Variants in ZNF705G observed in about 807,000 individuals in gnomAD.
ZNF705G encodes zinc finger protein 705G.
ZNF705G carries 23 observed loss-of-function variants against 19.6 expected under a neutral mutation model. That is an observed-to-expected ratio of 1.17 (90% CI 0.84 to 1.66). The LOEUF is 1.66. ZNF705G is among the 40% of genes most tolerant of loss of function. The pLI, the probability that ZNF705G is intolerant of heterozygous loss-of-function variation, is 0.00. For missense variants in ZNF705G, 457 were observed against 354.4 expected, an observed-to-expected ratio of 1.29 and a Z score of -2.32; for synonymous variants, 146 against 117.7, an observed-to-expected ratio of 1.24 and a Z score of -1.56.
chr8:7,361,267 A>T (rs1259890714), intron 3 of ZNF705G, 31 bp from the exon 4 acceptor site: 1 of 1,592,490 alleles, frequency 6.3e-7, no homozygotes, highest in Non-Finnish European at 8.5e-7. Context: ...TAGTTTAGAC[A>T]GAGAAATTCC....
intron 2 of ZNF705G, among the ~76,000 whole-genome samples, chr8:7,369,164 G>A (rs1373270631): frequency 6.7e-6 from 1 of 149,536 alleles, no homozygotes; most frequent in Non-Finnish European, 1.5e-5. Context: ...CCATGATTCA[G>A]TTATCGCCAC....
At chr8:7,359,089 G>A (rs749513958) in intron 6 of ZNF705G, among the ~76,000 whole-genome samples, 3 of 149,522 alleles carry the variant, frequency 2.0e-5, no homozygotes, top group Admixed American at 2.0e-4. Context: ...ATGCATGAAT[G>A]ACTATTTTTT....
At position 7,380,395 on chromosome 8, in the gene ZNF705G, G is replaced by A. The variant is rs1429608689; in HGVS notation, c.-72+1057C>T. 2.7e-5 allele frequency among the ~76,000 whole-genome samples: 4 copies of A among 147,524 alleles called. 1 individual carries two copies. The highest frequency in any genetic ancestry group is 1.1e-4 in the African/African-American group (4 of 36,972). The stretch of plus-strand genomic sequence containing the variant: ...ATGCCTTCTTGTGAACTGAGTATGA[G>A]CCCACCCAGCCTGGTGGTGCCTGTG... On this transcript the variant is annotated intron_variant, in intron 2 of 6. Transcript: ENST00000400156.
At chr8:7,365,769 A>G (rs1204265737) in intron 2 of ZNF705G, among the ~76,000 whole-genome samples, 1 of 149,556 alleles carries the variant, frequency 6.7e-6, no homozygotes, top group Non-Finnish European at 1.5e-5. Flanking sequence ...CCGACTTGTG[A>G]CTTCCTAGCC....
chr8:7,385,173 C>T (rs1453112698), intron 1 of ZNF705G, among the ~76,000 whole-genome samples: 10 of 148,358 alleles, frequency 6.7e-5, no homozygotes, highest in Middle Eastern at 6.9e-3. Context: ...GGAAAGTCTG[C>T]ATCAGGTGGG....
intron 2 of ZNF705G, among the ~76,000 whole-genome samples, chr8:7,379,946 C>T (rs1807414608): frequency 7.0e-6 from 1 of 142,508 alleles, no homozygotes; most frequent in Admixed American, 6.7e-5. Context: ...ATCTCTGGAC[C>T]CTCAGTGACA....
At chr8:7,371,546 G>A in intron 2 of ZNF705G, among the ~76,000 whole-genome samples, 1 of 104,436 alleles carries the variant, frequency 9.6e-6, no homozygotes, top group African/African-American at 3.4e-5. Flanking sequence ...TAATCTTGAT[G>A]GTAGTGATGT....
At chr8:7,358,965 G>C (rs145210369) in intron 6 of ZNF705G, among the ~76,000 whole-genome samples, 2,754 of 149,202 alleles carry the variant, frequency 0.018, 74 homozygotes, top group Admixed American at 0.087. Context: ...TTGTCTCCCT[G>C]CCCCATTTTG....
At chr8:7,367,483 A>G (rs775298842) in intron 2 of ZNF705G, among the ~76,000 whole-genome samples, 9 of 149,510 alleles carry the variant, frequency 6.0e-5, no homozygotes, top group Non-Finnish European at 1.2e-4. Flanking sequence ...CCACCGGAAA[A>G]GGAAAGAAAG....
At chr8:7,361,342 G>C (rs1392198364) in intron 3 of ZNF705G, 106 bp from the exon 4 acceptor site, 3 of 1,576,628 alleles carry the variant, frequency 1.9e-6, no homozygotes, top group Non-Finnish European at 2.6e-6. Flanking sequence ...AGAATACTCA[G>C]TGTTTTGGGT....
intron 2 of ZNF705G, among the ~76,000 whole-genome samples, chr8:7,372,245 A>C (rs1451458333): frequency 6.6e-6 from 1 of 151,760 alleles, no homozygotes; most frequent in African/African-American, 2.4e-5. Flanking sequence ...AATTTAAAAA[A>C]AAATAAAAAT....
chr8:7,369,877 G>A (rs3958826), intron 2 of ZNF705G, among the ~76,000 whole-genome samples: 97,867 of 147,074 alleles, frequency 0.67, 29,503 homozygotes, highest in Admixed American at 0.72. Flanking sequence ...CAGATACTGG[G>A]AACTACTAGA....
chr8:7,370,198 G>C (rs1346103055), intron 2 of ZNF705G, among the ~76,000 whole-genome samples: 1 of 147,758 alleles, frequency 6.8e-6, no homozygotes, highest in African/African-American at 2.7e-5. Context: ...GTGAACCTAG[G>C]AGGCGGAGCT....
rs528294046 is a variant in ZNF705G at position 7,375,214 on chromosome 8, G to C, written c.-72+6238C>G. On this transcript the variant is annotated intron_variant, in intron 2 of 6. Coordinates refer to ENST00000400156, the MANE Select transcript of ZNF705G (RefSeq NM_001164457.3). ...CTCCTGGTAAGACCCAATCTCTCTT[G>C]TTCCCATTTTTATGTCCATGTGCAC... Among the ~76,000 whole-genome samples the C allele has an allele frequency of 2.2e-5, 2 of 89,792 alleles. 1 individual carries two copies. The highest frequency in any genetic ancestry group is 4.3e-5 in the Non-Finnish European group (2 of 46,508). 58.9% of individuals were successfully genotyped at this position (89,792 alleles called of 152,430 possible).
At chr8:7,383,164 G>A (rs1490362970) in intron 1 of ZNF705G, among the ~76,000 whole-genome samples, 36 of 144,348 alleles carry the variant, frequency 2.5e-4, no homozygotes, top group African/African-American at 7.9e-4. Context: ...GGTTAAAAGC[G>A]ATAATTCTAG....
At chr8:7,365,600 C>G (rs1349471699) in intron 2 of ZNF705G, among the ~76,000 whole-genome samples, 1 of 149,238 alleles carries the variant, frequency 6.7e-6, no homozygotes, top group Non-Finnish European at 1.5e-5. Context: ...AAACTCCTGA[C>G]CTCAGGTGAT....
intron 2 of ZNF705G, among the ~76,000 whole-genome samples, chr8:7,380,450 C>A (rs1050881977): frequency 6.8e-6 from 1 of 147,334 alleles, no homozygotes; most frequent in African/African-American, 2.7e-5. Flanking sequence ...GGAATTAATC[C>A]ACCATGCCTA....
At chr8:7,360,527 C>G (rs182070439) in intron 4 of ZNF705G, among the ~76,000 whole-genome samples, 195 bp from the exon 5 acceptor site, 533 of 149,154 alleles carry the variant, frequency 3.6e-3, no homozygotes, top group Admixed American at 0.027. Context: ...AACCAAAGGT[C>G]CATCAGGAAA....
At chr8:7,362,328 T>C (rs868604925) in intron 3 of ZNF705G, among the ~76,000 whole-genome samples, 10 of 149,816 alleles carry the variant, frequency 6.7e-5, no homozygotes, top group Admixed American at 1.3e-4. Context: ...ATGACTTCTT[T>C]AGTTGTCCTT....
Sources: gnomAD v4.1 joint callset for allele counts (sites outside exome capture counted in the v4.1 genomes callset) on GRCh38, gnomAD v4.1.1 for gene constraint, MANE v1.5 for transcripts, NCBI Gene and HGNC (gene_info 2026-07-23, HGNC 2026-07-21) for gene names.